ATXN7: variants seen among roughly 807,000 people sequenced by gnomAD.
ATXN7 encodes ataxin 7.
Under a neutral mutation model 70.5 loss-of-function variants are expected in ATXN7, and 12 were observed. The observed-to-expected ratio is 0.17, with a 90% CI of 0.11 to 0.28. ATXN7 has a LOEUF of 0.28. ATXN7 is among the 10% of genes least tolerant of loss of function. The probability of loss-of-function intolerance (pLI) is 1.00; values close to 1 mark genes in which losing one functional copy is unlikely to be tolerated. For missense variants in ATXN7, 1,256 were observed against 1,131.7 expected, an observed-to-expected ratio of 1.11 and a Z score of -1.58; for synonymous variants, 498 against 448.7, an observed-to-expected ratio of 1.11 and a Z score of -1.39.
chr3:63,909,456 T>A (rs1472374096), intron 2 of ATXN7, among the ~76,000 whole-genome samples: 1 of 152,174 alleles, frequency 6.6e-6, no homozygotes, highest in African/African-American at 2.4e-5. Context: ...CTTTTTATAA[T>A]TTGGTGGTAT....
intron 4 of ATXN7, among the ~76,000 whole-genome samples, chr3:63,951,053 A>AG (rs2074945007): frequency 1.3e-5 from 2 of 152,120 alleles, no homozygotes; most frequent in Non-Finnish European, 2.9e-5. Flanking sequence ...TCTTCTTTAG[A>AG]GGGGGGATAT....
chr3:63,989,566 T>C (rs1293712206), intron 9 of ATXN7, among the ~76,000 whole-genome samples: 1 of 152,150 alleles, frequency 6.6e-6, no homozygotes, highest in Admixed American at 6.5e-5. Context: ...ATAGGCTTTT[T>C]TTTTTTCTTG....
At chr3:63,928,522 T>A (rs1704808134) in intron 4 of ATXN7, among the ~76,000 whole-genome samples, 1 of 152,212 alleles carries the variant, frequency 6.6e-6, no homozygotes, top group Admixed American at 6.5e-5. Flanking sequence ...CTCTCATTCT[T>A]TGAGCACTTA....
At chr3:63,997,814 A>G in intron 12 of ATXN7, 1 of 1,457,662 alleles carries the variant, frequency 6.9e-7, no homozygotes. Flanking sequence ...GTGTGATATA[A>G]TTTTCCTCTA....
rs540240834 is a variant in ATXN7 at position 63,975,436 on chromosome 3, C to A, written c.500-4479C>A. The stretch of plus-strand genomic sequence containing the variant: ...AATAGAGCCATAATCCTGGGAATAA[C>A]CACTTTTTAAAAAGCTTGACATATA... On this transcript the variant is annotated intron_variant, in intron 5 of 12. Transcript: ENST00000674280. Among the ~76,000 whole-genome samples the A allele has an allele frequency of 3.9e-5, 6 of 152,230 alleles. No individual in the cohort carries two copies. In the South Asian group the frequency reaches 1.2e-3, roughly 32 times the overall value.
At chr3:63,915,686 ATT>A (rs10712088) in intron 4 of ATXN7, among the ~76,000 whole-genome samples, 32 of 142,814 alleles carry the variant, frequency 2.2e-4, no homozygotes, top group African/African-American at 2.3e-4. Flanking sequence ...CCCTTTATTT[ATT>A]TTTTTTTTTT....
intron 4 of ATXN7, among the ~76,000 whole-genome samples, chr3:63,915,236 G>A (rs1359947439): frequency 6.6e-6 from 1 of 152,088 alleles, no homozygotes; most frequent in East Asian, 1.9e-4. Context: ...CCTGGCCCTT[G>A]TTAGTGTTTT....
Position 63,980,073 on chromosome 3 carries a change from A to C in ATXN7, c.658A>C (p.Lys220Gln). Residue 220 changes from lysine to glutamine, a missense_variant, in exon 6 of 13, where the codon AAG becomes CAG. Coordinates refer to ENST00000674280, the MANE Select transcript of ATXN7 (RefSeq NM_001377405.1). ...GVLSASSSSS[K>Q]LLKSPKEKLQ... ...TCTTAGCGCATCCTCATCAAGTTCC[A>C]AGTTGTTGAAATCACCCAAAGAGAA... 1 of 1,614,200 alleles carries C rather than the reference A, an allele frequency of 6.2e-7. No homozygotes were observed.
chr3:63,873,770 C>T (rs751939757), intron 1 of ATXN7: 2 of 152,342 alleles, frequency 1.3e-5, no homozygotes, highest in South Asian at 2.1e-4. Flanking sequence ...GTGGCACAAT[C>T]GTGGCTTACT....
chr3:63,921,823 G>A (rs1210639181), intron 4 of ATXN7, among the ~76,000 whole-genome samples: 1 of 152,078 alleles, frequency 6.6e-6, no homozygotes, highest in Non-Finnish European at 1.5e-5. Context: ...ATAGGGGTTG[G>A]GAGAATTAAA....
intron 5 of ATXN7, among the ~76,000 whole-genome samples, chr3:63,969,979 C>G (rs1327885659): frequency 6.6e-6 from 1 of 152,140 alleles, no homozygotes; most frequent in Non-Finnish European, 1.5e-5. Flanking sequence ...GTGCATCACT[C>G]AGATAGTGAG....
In ATXN7 at chr3:63,955,650, C is replaced by A. The variant is rs186687261; in HGVS notation, c.499+3167C>A. Among the ~76,000 whole-genome samples the A allele has an allele frequency of 9.6e-4, 146 of 152,264 alleles. 1 individual carries two copies. In the Middle Eastern group the frequency reaches 0.014, roughly 14 times the overall value. The stretch of plus-strand genomic sequence containing the variant: ...AAGCCAGTTGTTGCATTATTGTTTT[C>A]CACAGTTAACAAAACACAGTTTTCA... On this transcript the variant is annotated intron_variant, in intron 5 of 12. Transcript: ENST00000674280.
intron 9 of ATXN7, among the ~76,000 whole-genome samples, chr3:63,988,765 A>G (rs1309928843): frequency 6.6e-6 from 1 of 152,222 alleles, no homozygotes; most frequent in African/African-American, 2.4e-5. Flanking sequence ...GTTTTCATTC[A>G]TTCATTTGGG....
rs1016037962 is a variant in ATXN7 at position 64,000,188 on chromosome 3, C to G, written c.*721C>G. 1 of 137,586 alleles carries G rather than the reference C, an allele frequency of 7.3e-6. No homozygotes were observed. The highest frequency in any genetic ancestry group is 1.5e-5 in the Non-Finnish European group (1 of 66,204). The allele number at this position is 137,586 out of a possible 1,614,324, so 8.5% of individuals were successfully genotyped here. ...AAGTATAAATCATTTTGGAGGCTTA[C>G]TTTTCATGATACAAAAGCAATTCTG... On this transcript the variant is annotated 3_prime_UTR_variant, in exon 13 of 13. Coordinates refer to ENST00000674280, the MANE Select transcript of ATXN7 (RefSeq NM_001377405.1).
intron 1 of ATXN7, among the ~76,000 whole-genome samples, chr3:63,874,234 C>G (rs537849721): frequency 6.6e-6 from 1 of 152,308 alleles, no homozygotes; most frequent in East Asian, 1.9e-4. Context: ...ATAGTGATCC[C>G]CTTAGAACCC....
At chr3:63,993,547 A>G (rs948158733) in intron 11 of ATXN7, among the ~76,000 whole-genome samples, 3 of 152,008 alleles carry the variant, frequency 2.0e-5, no homozygotes, top group Admixed American at 2.0e-4. Context: ...GCCCCCACAG[A>G]CATTTTTATT....
chr3:63,998,211 C>G (rs1360342814), intron 12 of ATXN7: 67 of 928,090 alleles, frequency 7.2e-5, no homozygotes, highest in Middle Eastern at 5.6e-4. Context: ...GGGGGGGGGG[C>G]CAGGTGGGGC....
chr3:63,941,973 GT>G (rs1341536158), intron 4 of ATXN7, among the ~76,000 whole-genome samples: 2 of 152,208 alleles, frequency 1.3e-5, no homozygotes, highest in African/African-American at 4.8e-5. Context: ...AGTAAAACCT[GT>G]TACGTGGAGA....
intron 4 of ATXN7, among the ~76,000 whole-genome samples, chr3:63,930,539 T>C (rs1186566927): frequency 6.6e-6 from 1 of 152,018 alleles, no homozygotes; most frequent in African/African-American, 2.4e-5. Flanking sequence ...ACAATTTTTT[T>C]TTTTTTTTTG....
Sources: gnomAD v4.1 joint callset for allele counts (sites outside exome capture counted in the v4.1 genomes callset) on GRCh38, gnomAD v4.1.1 for gene constraint, MANE v1.5 for transcripts, NCBI Gene and HGNC (gene_info 2026-07-23, HGNC 2026-07-21) for gene names.